MATCAP2: variants seen among roughly 807,000 people sequenced by gnomAD.
MATCAP2 encodes the protein putative tyrosine carboxypeptidase MATCAP2.
At chr7:36,336,311 A>G in the MATCAP2 span, 1 of 1,497,370 alleles carries the variant, frequency 6.7e-7, no homozygotes, top group South Asian at 1.2e-5. Context: ...TAAAAGAAAG[A>G]GAGATAATGA....
the MATCAP2 span, among the ~76,000 whole-genome samples, chr7:36,347,690 A>G: frequency 1.3e-5 from 2 of 152,206 alleles, no homozygotes; most frequent in African/African-American, 4.8e-5. Context: ...TTAAGTTTTA[A>G]CAGAAGATCA....
chr7:36,339,536 AG>A, the MATCAP2 span, among the ~76,000 whole-genome samples: 1 of 152,238 alleles, frequency 6.6e-6, no homozygotes, highest in Non-Finnish European at 1.5e-5. Flanking sequence ...AAAATGTGAG[AG>A]GGATTTCAGA....
At chr7:36,337,098 CAAAAAA>C in the MATCAP2 span, among the ~76,000 whole-genome samples, 41 of 18,526 alleles carry the variant, frequency 2.2e-3, no homozygotes, top group South Asian at 6.8e-3. Context: ...AACTCCATCT[CAAAAAA>C]AAAAAAAAAA....
chr7:36,389,101 C>G, the MATCAP2 span, among the ~76,000 whole-genome samples: 1 of 152,236 alleles, frequency 6.6e-6, no homozygotes, highest in African/African-American at 2.4e-5. Flanking sequence ...GTAGCCCAGG[C>G]TGGAATGCAG....
the MATCAP2 span, among the ~76,000 whole-genome samples, chr7:36,372,325 G>GA: frequency 1.1e-3 from 168 of 150,610 alleles, 1 homozygote; most frequent in African/African-American, 3.7e-3. Context: ...AAAAGAGGAG[G>GA]AAAAAAAAAG....
chr7:36,351,151 T>C, the MATCAP2 span, among the ~76,000 whole-genome samples: 17 of 152,260 alleles, frequency 1.1e-4, no homozygotes, highest in African/African-American at 4.1e-4. Context: ...AATCCCAGCA[T>C]TTGGGAGGCC....
the MATCAP2 span, among the ~76,000 whole-genome samples, chr7:36,372,534 T>C: frequency 6.6e-6 from 1 of 152,190 alleles, no homozygotes; most frequent in Non-Finnish European, 1.5e-5. Flanking sequence ...TTTACCTCAA[T>C]GAAAATAGAA....
the MATCAP2 span, among the ~76,000 whole-genome samples, chr7:36,375,220 A>T: frequency 3.3e-5 from 5 of 152,258 alleles, no homozygotes; most frequent in African/African-American, 1.2e-4. Flanking sequence ...TGACTTTTTA[A>T]TGATCGCCAT....
chr7:36,367,093 G>C, the MATCAP2 span: 1 of 1,250,416 alleles, frequency 8.0e-7, no homozygotes, highest in Non-Finnish European at 1.0e-6. Flanking sequence ...AGGAGGGTAA[G>C]GGCGGACGAA....
chr7:36,376,979 T>C, the MATCAP2 span, among the ~76,000 whole-genome samples: 1 of 152,212 alleles, frequency 6.6e-6, no homozygotes, highest in East Asian at 1.9e-4. Context: ...TCCTTTATTT[T>C]GAGCCTATGT....
the MATCAP2 span, among the ~76,000 whole-genome samples, chr7:36,376,284 T>C: frequency 6.6e-6 from 1 of 152,240 alleles, no homozygotes; most frequent in Non-Finnish European, 1.5e-5. Flanking sequence ...GATTCTGGTA[T>C]GTTGTGTCTT....
the MATCAP2 span, among the ~76,000 whole-genome samples, chr7:36,388,653 C>G: frequency 5.9e-5 from 9 of 152,180 alleles, no homozygotes; most frequent in Admixed American, 3.9e-4. Flanking sequence ...ACCTATCTTA[C>G]AATTTGGAGT....
chr7:36,347,275 G>C, the MATCAP2 span, among the ~76,000 whole-genome samples: 1 of 152,072 alleles, frequency 6.6e-6, no homozygotes, highest in Non-Finnish European at 1.5e-5. Context: ...AAAAATCTCA[G>C]TATTTTGTTT....
At chr7:36,325,306 TA>T in the MATCAP2 span, 1 of 152,206 alleles carries the variant, frequency 6.6e-6, no homozygotes, top group Non-Finnish European at 1.5e-5. Context: ...CCTTTACTGC[TA>T]AAAGCAAGAT....
At chr7:36,328,418 A>G in the MATCAP2 span, among the ~76,000 whole-genome samples, 2 of 151,676 alleles carry the variant, frequency 1.3e-5, no homozygotes, top group East Asian at 3.9e-4. Context: ...CTTCTGATCA[A>G]TACTCTTCCA....
At chr7:36,372,997 C>T in the MATCAP2 span, among the ~76,000 whole-genome samples, 5 of 150,782 alleles carry the variant, frequency 3.3e-5, no homozygotes, top group East Asian at 2.0e-4. Flanking sequence ...CCCAGCTACT[C>T]GGGAGGCTGA....
chr7:36,374,132 G>A, the MATCAP2 span, among the ~76,000 whole-genome samples: 66 of 152,232 alleles, frequency 4.3e-4, no homozygotes, highest in African/African-American at 1.4e-3. Context: ...CAGGCTGAGT[G>A]TAGTGGTGAG....
chr7:36,366,771 C>G, the MATCAP2 span: 5 of 1,534,780 alleles, frequency 3.3e-6, no homozygotes, highest in African/African-American at 6.9e-5. Context: ...TCGCGAGCGC[C>G]TCCTGCGCGC....
the MATCAP2 span, among the ~76,000 whole-genome samples, chr7:36,380,436 A>C: frequency 6.6e-6 from 1 of 152,202 alleles, no homozygotes; most frequent in South Asian, 2.1e-4. Flanking sequence ...GAATTGGCTC[A>C]ATTTCTTGTC....
Sources: gnomAD v4.1 joint callset for allele counts (sites outside exome capture counted in the v4.1 genomes callset) on GRCh38, gnomAD v4.1.1 for gene constraint, MANE v1.5 for transcripts, NCBI Gene and HGNC (gene_info 2026-07-23, HGNC 2026-07-21) for gene names.